PTPRM: variants seen among roughly 807,000 people sequenced by gnomAD.
PTPRM encodes the protein protein tyrosine phosphatase receptor type M.
PTPRM carries 47 observed loss-of-function variants against 186.7 expected under a neutral mutation model. The observed-to-expected ratio is 0.25, with a 90% CI of 0.20 to 0.32. PTPRM has a LOEUF of 0.32. PTPRM is among the 10% of genes least tolerant of loss of function. The pLI is 1.00. For synonymous variants in PTPRM, 668 were observed against 674.9 expected (o/e 0.99, Z 0.16); for missense variants, 1,494 against 1,865.0 (o/e 0.80, Z 3.66).
intron 2 of PTPRM, among the ~76,000 whole-genome samples, chr18:7,826,296 A>G (rs952409317): frequency 6.6e-6 from 1 of 152,256 alleles, no homozygotes; most frequent in Non-Finnish European, 1.5e-5. Context: ...CAGAAGCTAC[A>G]TTCACAAAAT....
chr18:8,028,605 G>T (rs12956937), intron 7 of PTPRM, among the ~76,000 whole-genome samples: 90,049 of 152,004 alleles, frequency 0.59, 26,815 homozygotes, highest in Non-Finnish European at 0.63. Context: ...TTTCTATGCT[G>T]CCTCCCAGAG....
intron 7 of PTPRM, among the ~76,000 whole-genome samples, chr18:8,048,292 CTTAAG>C (rs2148235697): frequency 6.7e-6 from 1 of 150,192 alleles, no homozygotes; most frequent in Non-Finnish European, 1.5e-5. Context: ...TTTTTTTTTT[CTTAAG>C]TTGTTTTATT....
intron 1 of PTPRM, among the ~76,000 whole-genome samples, chr18:7,589,564 C>T (rs371179338): frequency 4.6e-5 from 7 of 152,120 alleles, no homozygotes; most frequent in African/African-American, 1.7e-4. Flanking sequence ...CTCCCCCCCA[C>T]CACCCTGGCC....
At chr18:7,865,558 T>C (rs1191156517) in intron 2 of PTPRM, among the ~76,000 whole-genome samples, 1 of 152,210 alleles carries the variant, frequency 6.6e-6, no homozygotes, top group Non-Finnish European at 1.5e-5. Context: ...GTGGATAAGC[T>C]TTTTGATGTG....
chr18:7,677,748 G>T (rs140787685), intron 1 of PTPRM, among the ~76,000 whole-genome samples: 1 of 152,166 alleles, frequency 6.6e-6, no homozygotes, highest in East Asian at 1.9e-4. Context: ...GAAATGCTCT[G>T]TGCCCCTTTC....
At chr18:8,379,025 G>C (rs1489767686) in intron 27 of PTPRM, 142 bp from the exon 28 acceptor site, 8 of 611,524 alleles carry the variant, frequency 1.3e-5, no homozygotes, top group Non-Finnish European at 1.8e-5. Context: ...AAGAAAACTC[G>C]AACTATGGTG....
chr18:7,718,982 G>A (rs1399473273), intron 1 of PTPRM, among the ~76,000 whole-genome samples: 1 of 152,208 alleles, frequency 6.6e-6, no homozygotes, highest in Non-Finnish European at 1.5e-5. Context: ...ATGGAAAATA[G>A]TATGGAGATT....
intron 5 of PTPRM, among the ~76,000 whole-genome samples, chr18:7,946,489 A>G (rs2052533436): frequency 6.6e-6 from 1 of 152,174 alleles, no homozygotes; most frequent in Admixed American, 6.5e-5. Context: ...GTTTGGAAAG[A>G]AGACTAGGGA....
intron 4 of PTPRM, among the ~76,000 whole-genome samples, chr18:7,907,775 C>T (rs1446295351): frequency 3.3e-5 from 5 of 151,460 alleles, no homozygotes; most frequent in African/African-American, 2.4e-5. Context: ...TGTGTGTATG[C>T]GCATGTGTGT....
intron 1 of PTPRM, among the ~76,000 whole-genome samples, chr18:7,733,441 T>C (rs2040703151): frequency 6.6e-6 from 1 of 152,166 alleles, no homozygotes; most frequent in Non-Finnish European, 1.5e-5. Flanking sequence ...CTGCATAGTA[T>C]TCCATGGTGT....
intron 2 of PTPRM, among the ~76,000 whole-genome samples, chr18:7,862,841 G>A (rs2146077336): frequency 6.6e-6 from 1 of 152,250 alleles, no homozygotes; most frequent in Admixed American, 6.5e-5. Flanking sequence ...GTCTCGGTAT[G>A]CAGCCTGCCT....
chr18:8,387,018 G>A, intron 30 of PTPRM, 54 bp from the exon 31 acceptor site: 2 of 1,504,686 alleles, frequency 1.3e-6, no homozygotes, highest in Non-Finnish European at 1.8e-6. Flanking sequence ...CTGGAATTCA[G>A]TAAATAATGC....
chr18:8,350,852 T>G (rs1244201378), intron 23 of PTPRM, among the ~76,000 whole-genome samples: 2 of 152,180 alleles, frequency 1.3e-5, no homozygotes, highest in African/African-American at 4.8e-5. Context: ...CCTTGTGCTT[T>G]TGGTGCTGTC....
intron 3 of PTPRM, among the ~76,000 whole-genome samples, chr18:7,889,634 C>T (rs925833496): frequency 2.0e-5 from 3 of 152,054 alleles, no homozygotes; most frequent in African/African-American, 7.2e-5. Flanking sequence ...CCATTGTGCC[C>T]AGCTGGATAT....
chr18:7,989,659 C>A (rs2083156921), intron 7 of PTPRM, among the ~76,000 whole-genome samples: 1 of 152,146 alleles, frequency 6.6e-6, no homozygotes, highest in Admixed American at 6.5e-5. Context: ...GCCAATTCTT[C>A]TTGGTTAACA....
chr18:7,994,940 A>G (rs1162353591), intron 7 of PTPRM, among the ~76,000 whole-genome samples: 2 of 152,102 alleles, frequency 1.3e-5, no homozygotes, highest in Non-Finnish European at 2.9e-5. Context: ...CAAATAAAAA[A>G]TTAGTAGAAG....
chr18:8,221,810 G>A (rs978717130), intron 14 of PTPRM, among the ~76,000 whole-genome samples: 3 of 152,198 alleles, frequency 2.0e-5, no homozygotes, highest in African/African-American at 7.2e-5. Context: ...CCTGTGCATA[G>A]TGAACTGTAA....
At chr18:7,876,834 G>A (rs946978988) in intron 2 of PTPRM, among the ~76,000 whole-genome samples, 3 of 152,132 alleles carry the variant, frequency 2.0e-5, no homozygotes, top group African/African-American at 7.2e-5. Context: ...AAACTGAGAG[G>A]CAGCTTAGTA....
At chr18:8,164,307 T>C (rs945422943) in intron 14 of PTPRM, among the ~76,000 whole-genome samples, 2 of 152,218 alleles carry the variant, frequency 1.3e-5, no homozygotes, top group Non-Finnish European at 2.9e-5. Flanking sequence ...GACCCAAAAA[T>C]GCAGCCCTAC....
Sources: gnomAD v4.1 joint callset for allele counts (sites outside exome capture counted in the v4.1 genomes callset) on GRCh38, gnomAD v4.1.1 for gene constraint, MANE v1.5 for transcripts, NCBI Gene and HGNC (gene_info 2026-07-23, HGNC 2026-07-21) for gene names.